Variants in COX7A2L observed in about 807,000 individuals in gnomAD.
COX7A2L encodes cytochrome c oxidase subunit 7A2-like, mitochondrial.
COX7A2L carries 18 observed loss-of-function variants against 14.2 expected under a neutral mutation model. The observed-to-expected ratio is 1.27, with a 90% CI of 0.88 to 1.88. The LOEUF (loss-of-function observed/expected upper bound fraction) is 1.88, where lower values mean the gene tolerates loss of function less well. COX7A2L is among the 40% of genes most tolerant of loss of function. The pLI, the probability that COX7A2L is intolerant of heterozygous loss-of-function variation, is 0.00. For missense variants in COX7A2L, 179 were observed against 138.8 expected (o/e 1.29, Z -1.46); for synonymous variants, 65 against 57.4 (o/e 1.13, Z -0.60).
intron 2 of COX7A2L, among the ~76,000 whole-genome samples, chr2:42,335,629 G>A (rs1297295691): frequency 1.3e-5 from 2 of 152,346 alleles, no homozygotes; most frequent in East Asian, 1.9e-4. Flanking sequence ...TTTCACAGAT[G>A]AAGAAACTTG....
chr2:42,340,010 C>T lies in COX7A2L; in HGVS notation c.193-6141G>A, dbSNP rs541353058. ...ACCCTCTGAACAATGTCGCAGACAC[C>T]CCTGGTTTCTGCAGCCACCTGTATA... On this transcript the variant is annotated intron_variant, in intron 2 of 2. Transcript: ENST00000468711. Among the ~76,000 whole-genome samples, 13 of 152,272 alleles carry T rather than the reference C, an allele frequency of 8.5e-5. No homozygotes were observed. The South Asian group carries it at 2.5e-3, about 29-fold the overall frequency.
intron 1 of COX7A2L, among the ~76,000 whole-genome samples, chr2:42,360,490 T>C (rs114187922): frequency 0.011 from 1,631 of 152,258 alleles, 36 homozygotes; most frequent in African/African-American, 0.036. Context: ...GGAATACTTT[T>C]CAGACAACCC....
In COX7A2L at chr2:42,360,977, A is replaced by C; in HGVS notation, c.72+113T>G. On this transcript the variant is annotated intron_variant, in intron 1 of 2. Transcript: ENST00000234301. ...GCCCCGGGAGGTGCAAGGAGAACAGAGACGAACTCGACCGCGGGCAGAAGC... is the reference window on the plus strand; with the variant it reads ...GCCCCGGGAGGTGCAAGGAGAACAGCGACGAACTCGACCGCGGGCAGAAGC... 6 of 1,099,074 alleles carry C rather than the reference A, an allele frequency of 5.5e-6. 1 individual carries two copies. The South Asian group carries it at 7.9e-5, about 15-fold the overall frequency. 68.1% of individuals were successfully genotyped at this position (1,099,074 alleles called of 1,614,324 possible). A position where few individuals can be genotyped will look rare whatever the true frequency, so the allele number is the denominator to read the frequency against.
downstream of COX7A2L, among the ~76,000 whole-genome samples, chr2:42,344,476 A>C (rs1055680399): frequency 1.3e-5 from 2 of 152,266 alleles, no homozygotes; most frequent in Non-Finnish European, 2.9e-5. Context: ...TAAGTGTTAG[A>C]AATACTTTTG....
intron 2 of COX7A2L, among the ~76,000 whole-genome samples, chr2:42,336,516 ATCCCATCTC>A (rs1670277050): frequency 6.6e-6 from 1 of 152,104 alleles, no homozygotes; most frequent in South Asian, 2.1e-4. Flanking sequence ...CAGCCTGGTC[ATCCCATCTC>A]ATGCTTGACT....
chr2:42,338,437 C>T lies in COX7A2L; in HGVS notation c.193-4568G>A, dbSNP rs1039279923. On this transcript the variant is annotated intron_variant, in intron 2 of 2. Coordinates refer to the COX7A2L transcript ENST00000468711. This position sits in a 1 kb window ranked among gnomAD's most constrained non-coding sequence, Gnocchi z 4.4. ...TGAGATGAGGTGACCAGGCTTTCTC[C>T]GAGAGCGACAGGCCCCAGCTATGCT... Among the ~76,000 whole-genome samples the T allele has an allele frequency of 1.3e-5, 2 of 152,208 alleles. No individual in the cohort carries two copies. The highest frequency in any genetic ancestry group is 2.4e-5 in the African/African-American group (1 of 41,454).
downstream of COX7A2L, chr2:42,349,329 A>T (rs558963425): frequency 2.0e-5 from 3 of 152,356 alleles, no homozygotes; most frequent in African/African-American, 7.2e-5. Context: ...TGACACTGAG[A>T]GAAGCCAGTC....
At position 42,353,351 on chromosome 2, in the gene COX7A2L, G is replaced by GA. The variant is rs924926961; in HGVS notation, c.73-9dup. The GA allele has an allele frequency of 3.1e-6, 5 of 1,609,842 alleles. No homozygotes were observed. The highest frequency in any genetic ancestry group is 4.2e-6 in the Non-Finnish European group (5 of 1,178,980). On this transcript the variant is annotated splice_polypyrimidine_tract_variant and intron_variant, in intron 1 of 2. Coordinates refer to ENST00000234301, the MANE Select transcript of COX7A2L (RefSeq NM_004718.4). Reference sequence around the variant, plus strand: ...AACCACAGGCTTTAATCCCTGTAGAGAAAAAAAGGAAAATGGCAAGTTGAA... The same window carrying GA: ...AACCACAGGCTTTAATCCCTGTAGAGAAAAAAAAGGAAAATGGCAAGTTGAA...
chr2:42,347,588 G>C (rs1572787877), downstream of COX7A2L, among the ~76,000 whole-genome samples: 1 of 152,130 alleles, frequency 6.6e-6, no homozygotes, highest in African/African-American at 2.4e-5. Flanking sequence ...AGATTTGGAA[G>C]GTATACTAAC....
At chr2:42,367,501 AG>A (rs1671188143) in intron 1 of COX7A2L, among the ~76,000 whole-genome samples, 1 of 152,216 alleles carries the variant, frequency 6.6e-6, no homozygotes, top group South Asian at 2.1e-4. Flanking sequence ...AAAAGCTAGG[AG>A]GAAGTTATCA....
intron 1 of COX7A2L, among the ~76,000 whole-genome samples, chr2:42,358,864 T>C (rs1670918093): frequency 6.6e-6 from 1 of 152,128 alleles, no homozygotes; most frequent in Non-Finnish European, 1.5e-5. Context: ...AGTGTGGTGG[T>C]ACACATCTGT....
At chr2:42,363,801 G>A (rs554875571), upstream of COX7A2L, among the ~76,000 whole-genome samples, 6 of 152,274 alleles carry the variant, frequency 3.9e-5, no homozygotes, top group South Asian at 1.2e-3. Context: ...GAAGGGAAGT[G>A]ACCACGACTC....
chr2:42,359,538 G>A (rs1480118816), intron 1 of COX7A2L: 2 of 152,178 alleles, frequency 1.3e-5, no homozygotes, highest in African/African-American at 2.4e-5. Flanking sequence ...GTGCAACACT[G>A]CTGACTATTC....
At chr2:42,366,805 C>A (rs1671173166) in intron 1 of COX7A2L, among the ~76,000 whole-genome samples, 1 of 152,136 alleles carries the variant, frequency 6.6e-6, no homozygotes, top group Non-Finnish European at 1.5e-5. Flanking sequence ...CTCCATTTCC[C>A]CAGCCCCCTT....
At chr2:42,335,649 G>A (rs1276159117) in intron 2 of COX7A2L, among the ~76,000 whole-genome samples, 1 of 152,226 alleles carries the variant, frequency 6.6e-6, no homozygotes, top group East Asian at 1.9e-4. Flanking sequence ...GAGGTACACA[G>A]AAGCCGACTG....
upstream of COX7A2L, among the ~76,000 whole-genome samples, chr2:42,363,898 C>A (rs1671108107): frequency 6.6e-6 from 1 of 152,194 alleles, no homozygotes. Flanking sequence ...GCCGCTGCTT[C>A]TCCATTTGTG....
intron 2 of COX7A2L, among the ~76,000 whole-genome samples, chr2:42,352,146 A>G (rs1371782252): frequency 3.3e-5 from 5 of 152,084 alleles, no homozygotes; most frequent in Non-Finnish European, 7.4e-5. Flanking sequence ...TAATAATCAA[A>G]TTCCATGAGA....
chr2:42,346,067 C>T (rs535518042), downstream of COX7A2L, among the ~76,000 whole-genome samples: 17 of 152,288 alleles, frequency 1.1e-4, 1 homozygote, highest in Admixed American at 6.5e-4. Context: ...GGGCAGCCTG[C>T]ACTCCTTCCC....
upstream of COX7A2L, among the ~76,000 whole-genome samples, chr2:42,363,472 C>T (rs1273879434): frequency 6.6e-6 from 1 of 152,184 alleles, no homozygotes; most frequent in Admixed American, 6.5e-5. Context: ...TTATAAGGTG[C>T]CTGTCAACAC....
Sources: allele counts gnomAD v4.1 joint callset (sites outside exome capture counted in the v4.1 genomes callset), GRCh38; gene constraint gnomAD v4.1.1; non-coding constraint Gnocchi (gnomAD v3.1); transcripts MANE v1.5; gene names NCBI Gene and HGNC (gene_info 2026-07-23, HGNC 2026-07-21).